Variants in DMXL2 observed in about 807,000 individuals in gnomAD.
The protein encoded by DMXL2 is dmX-like protein 2.
In DMXL2, 103 loss-of-function variants were observed where a neutral mutation model predicts 331.1. The observed-to-expected ratio is 0.31, with a 90% CI of 0.27 to 0.37. DMXL2 has a LOEUF of 0.37. Ranked by LOEUF, DMXL2 falls within the 10% of genes least tolerant of loss-of-function variation. DMXL2 has a pLI of 1.00. For synonymous variants in DMXL2, 1,281 were observed against 1,252.1 expected (o/e 1.02, Z -0.49); for missense variants, 3,171 against 3,642.9 (o/e 0.87, Z 3.33).
chr15:51,520,988 C>G (rs928574180), intron 13 of DMXL2, among the ~76,000 whole-genome samples: 2 of 152,102 alleles, frequency 1.3e-5, no homozygotes, highest in African/African-American at 4.8e-5. Context: ...TTTGACCATG[C>G]CTAATTAGTG....
chr15:51,493,102 G>A (rs1160633409), intron 19 of DMXL2, among the ~76,000 whole-genome samples: 1 of 151,826 alleles, frequency 6.6e-6, no homozygotes, highest in Non-Finnish European at 1.5e-5. Flanking sequence ...TAAATTTAGG[G>A]GAAAACACCA....
chr15:51,550,798 T>C (rs1233621767), intron 6 of DMXL2, among the ~76,000 whole-genome samples: 2 of 152,234 alleles, frequency 1.3e-5, no homozygotes, highest in African/African-American at 2.4e-5. Context: ...GTATGTCACG[T>C]TGGGTAGAAA....
At chr15:51,528,634 T>G (rs997828298) in intron 13 of DMXL2, among the ~76,000 whole-genome samples, 17 of 152,114 alleles carry the variant, frequency 1.1e-4, no homozygotes, top group Admixed American at 8.5e-4. Context: ...AAGCAAATAT[T>G]AGAGTTACAG....
At chr15:51,456,005 T>G (rs762804652) in intron 39 of DMXL2, 61 bp downstream of exon 39, 1 of 1,585,844 alleles carries the variant, frequency 6.3e-7, no homozygotes, top group Non-Finnish European at 8.6e-7. Flanking sequence ...CTTTTATCAC[T>G]TACTCCTAAA....
intron 6 of DMXL2, among the ~76,000 whole-genome samples, chr15:51,550,095 A>C (rs537391153): frequency 5.9e-5 from 9 of 152,182 alleles, no homozygotes; most frequent in Non-Finnish European, 1.2e-4. Flanking sequence ...AGTAAGTTTC[A>C]TACTAGAGTT....
At chr15:51,505,225 G>T (rs2043974579) in intron 16 of DMXL2, among the ~76,000 whole-genome samples, 1 of 152,200 alleles carries the variant, frequency 6.6e-6, no homozygotes, top group Non-Finnish European at 1.5e-5. Context: ...CTGCAGCAAA[G>T]ATTAGAACAA....
intron 15 of DMXL2, among the ~76,000 whole-genome samples, chr15:51,513,375 A>C (rs1042203793): frequency 3.3e-5 from 5 of 152,220 alleles, no homozygotes; most frequent in African/African-American, 9.6e-5. Context: ...TAAATTTTAA[A>C]TTGGTAAAGC....
intron 1 of DMXL2, among the ~76,000 whole-genome samples, chr15:51,598,113 A>G (rs1004842314): frequency 1.3e-5 from 2 of 152,178 alleles, no homozygotes; most frequent in African/African-American, 4.8e-5. Flanking sequence ...TCCTAATTTT[A>G]AAGTAGTCCA....
At chr15:51,599,076 A>C (rs1357500628) in intron 1 of DMXL2, among the ~76,000 whole-genome samples, 1 of 152,194 alleles carries the variant, frequency 6.6e-6, no homozygotes, top group Non-Finnish European at 1.5e-5. Flanking sequence ...TCTTATTCAA[A>C]GGGTTATAAT....
At chr15:51,535,546 A>G in intron 13 of DMXL2, 117 bp downstream of exon 13, 1 of 859,278 alleles carries the variant, frequency 1.2e-6, no homozygotes, top group Non-Finnish European at 1.7e-6. Context: ...TGTCATATGC[A>G]GCCCAGAACA....
intron 27 of DMXL2, 98 bp from the exon 28 acceptor site, chr15:51,474,690 AT>A: frequency 7.9e-7 from 1 of 1,268,720 alleles, no homozygotes; most frequent in Non-Finnish European, 1.1e-6. Flanking sequence ...ATGCATTTAT[AT>A]TTTACAAAAT....
At chr15:51,564,069 T>C (rs2050127950) in intron 5 of DMXL2, 56 bp downstream of exon 5, 2 of 1,515,732 alleles carry the variant, frequency 1.3e-6, no homozygotes, top group Admixed American at 2.5e-5. Context: ...AGGAAACATA[T>C]TTTAGGAAGC....
intron 20 of DMXL2, among the ~76,000 whole-genome samples, chr15:51,491,370 G>A (rs1199219605): frequency 6.6e-6 from 1 of 152,064 alleles, no homozygotes; most frequent in Non-Finnish European, 1.5e-5. Flanking sequence ...GAACCCAGGA[G>A]GCAGAGGTTA....
chr15:51,596,340 T>C (rs1454541825), intron 1 of DMXL2, among the ~76,000 whole-genome samples: 5 of 152,194 alleles, frequency 3.3e-5, no homozygotes, highest in Admixed American at 1.3e-4. Context: ...TCACTGGTCA[T>C]CAGAGAAATG....
At chr15:51,550,959 G>A (rs1046421202) in intron 6 of DMXL2, among the ~76,000 whole-genome samples, 1 of 152,086 alleles carries the variant, frequency 6.6e-6, no homozygotes, top group African/African-American at 2.4e-5. Flanking sequence ...AATCCTGGAA[G>A]TAATTGAATT....
intron 1 of DMXL2, among the ~76,000 whole-genome samples, chr15:51,590,596 A>G (rs374176792): frequency 1.1e-4 from 16 of 152,018 alleles, no homozygotes; most frequent in South Asian, 2.1e-4. Context: ...TGGGGTCTCA[A>G]TATGTTAGTT....
chr15:51,615,622 A>C (rs1457444838), intron 1 of DMXL2, among the ~76,000 whole-genome samples: 3 of 152,178 alleles, frequency 2.0e-5, no homozygotes, highest in African/African-American at 7.2e-5. Flanking sequence ...TTAGAACCTA[A>C]ATGGAGGAAG....
At chr15:51,458,375 A>T (rs1054824895) in intron 36 of DMXL2, 131 bp downstream of exon 36, 2 of 951,922 alleles carry the variant, frequency 2.1e-6, no homozygotes, top group Admixed American at 5.0e-5. Flanking sequence ...CAGCTAAACC[A>T]ATTATATTTG....
Position 51,564,180 on chromosome 15 carries a change from T to C in DMXL2, c.445A>G (p.Ile149Val). 6.2e-7 allele frequency: 1 copy of C among 1,607,064 alleles called. No homozygotes were observed. Among genetic ancestry groups the C allele is most frequent in the Non-Finnish European group, 8.5e-7 (1 of 1,177,210 alleles). Residue 149 changes from isoleucine (I) to valine (V), a missense_variant, in exon 5 of 44, where the codon ATT becomes GTT. By Grantham distance (29) the Ile-to-Val change is conservative (BLOSUM62 3). Transcript: ENST00000560891. ...AAAACAGGAGGAACTGTATTATCAA[T>C]TTCTTCCTCCTCTTCCAGAATATCA... The part of the protein sequence containing the change: ...GDDILEEEEE[I>V]DNTVPPVLND...
Sources: allele counts gnomAD v4.1 joint callset (sites outside exome capture counted in the v4.1 genomes callset), GRCh38; gene constraint gnomAD v4.1.1; transcripts MANE v1.5; gene names NCBI Gene and HGNC (gene_info 2026-07-23, HGNC 2026-07-21).